Variants in PDZRN3 observed in about 807,000 individuals in gnomAD.
The protein encoded by PDZRN3 is PDZ domain containing ring finger 3.
In PDZRN3, 38 loss-of-function variants were observed where a neutral mutation model predicts 85.7. That is an observed-to-expected ratio of 0.44 (90% CI 0.34 to 0.58). The LOEUF is 0.58. Among genes scored for constraint, PDZRN3 ranks in the 20% least tolerant of loss-of-function variants. PDZRN3 has a pLI of 0.01. For missense variants in PDZRN3, 1,629 were observed against 1,506.4 expected, an observed-to-expected ratio of 1.08 and a Z score of -1.35; for synonymous variants, 759 against 638.0, an observed-to-expected ratio of 1.19 and a Z score of -2.86.
At chr3:73,582,314 A>C (rs1456030552) in intron 3 of PDZRN3, among the ~76,000 whole-genome samples, 1 of 152,142 alleles carries the variant, frequency 6.6e-6, no homozygotes, top group Non-Finnish European at 1.5e-5. Context: ...AAAACATTTT[A>C]ATCTGGGGGA....
At chr3:73,509,847 A>C (rs959791612) in intron 3 of PDZRN3, among the ~76,000 whole-genome samples, 8 of 152,166 alleles carry the variant, frequency 5.3e-5, no homozygotes, top group Non-Finnish European at 1.0e-4. Flanking sequence ...CTTCTCTGTG[A>C]CTTCCCTGAA....
chr3:73,494,455 T>G (rs1291398137), intron 3 of PDZRN3, among the ~76,000 whole-genome samples: 1 of 152,224 alleles, frequency 6.6e-6, no homozygotes, highest in Non-Finnish European at 1.5e-5. Context: ...TGAAAAGTTG[T>G]GTGAATAAAA....
At chr3:73,541,022 A>G (rs945881661) in intron 3 of PDZRN3, among the ~76,000 whole-genome samples, 1 of 152,206 alleles carries the variant, frequency 6.6e-6, no homozygotes, top group African/African-American at 2.4e-5. Flanking sequence ...GTATGCTAAA[A>G]CTTCTTAAGA....
chr3:73,486,633 A>G (rs1177875685), intron 3 of PDZRN3, among the ~76,000 whole-genome samples: 1 of 152,206 alleles, frequency 6.6e-6, no homozygotes, highest in South Asian at 2.1e-4. Flanking sequence ...TAATAAGTAT[A>G]TTTTACCATA....
rs115229255 is a variant in PDZRN3, at chr3:73,602,098, G to A, written c.918+256C>T. 7.5e-3 allele frequency among the ~76,000 whole-genome samples: 1,137 copies of A among 152,204 alleles called. 13 individuals are homozygous for A. The highest frequency in any genetic ancestry group is 0.026 in the African/African-American group (1,082 of 41,524). ...GCGCGAAACTGTAACTGATGCATAC[G>A]AAACAGATTGAGGTCCACATGAAAA... On this transcript the variant is annotated intron_variant, in intron 3 of 9. Transcript: ENST00000263666.
At chr3:73,509,015 A>C (rs191861447) in intron 3 of PDZRN3, among the ~76,000 whole-genome samples, 1 of 152,294 alleles carries the variant, frequency 6.6e-6, no homozygotes, top group African/African-American at 2.4e-5. Context: ...CTCAGCATTT[A>C]TCTGTAAGCC....
intron 3 of PDZRN3, among the ~76,000 whole-genome samples, chr3:73,445,183 A>G (rs1239518982): frequency 6.6e-6 from 1 of 151,606 alleles, no homozygotes; most frequent in East Asian, 1.9e-4. Context: ...AACCACAGCC[A>G]GAAGTGGATC....
At chr3:73,457,641 G>A (rs1170399179) in intron 3 of PDZRN3, among the ~76,000 whole-genome samples, 1 of 152,116 alleles carries the variant, frequency 6.6e-6, no homozygotes, top group African/African-American at 2.4e-5. Flanking sequence ...AGATGTTACT[G>A]TAGTCTGAAT....
intron 3 of PDZRN3, among the ~76,000 whole-genome samples, chr3:73,530,506 A>G (rs1053604100): frequency 6.6e-6 from 1 of 152,220 alleles, no homozygotes; most frequent in Non-Finnish European, 1.5e-5. Context: ...AATCAAAGTA[A>G]CCATTAAAGT....
intron 1 of PDZRN3, among the ~76,000 whole-genome samples, chr3:73,618,181 C>T (rs191599102): frequency 1.3e-5 from 2 of 152,324 alleles, no homozygotes; most frequent in African/African-American, 4.8e-5. Context: ...TTCTGAGCTT[C>T]TGTTTTTTCA....
chr3:73,548,502 CG>C (rs1178898337), intron 3 of PDZRN3, among the ~76,000 whole-genome samples: 8 of 152,206 alleles, frequency 5.3e-5, no homozygotes, highest in African/African-American at 1.9e-4. Flanking sequence ...CCTGGAGCTT[CG>C]ACTGTCTTGC....
chr3:73,384,455 CGCACGATGCTCAGGCACTCCA>C lies in PDZRN3; in HGVS notation c.2090_2110del (p.Leu697_Val703del). 1.1e-5 allele frequency: 17 copies of C among 1,612,594 alleles called. No homozygotes were observed. The highest frequency in any genetic ancestry group is 1.4e-5 in the Non-Finnish European group (17 of 1,180,030). On this transcript the variant is annotated inframe_deletion, in exon 10 of 10. Coordinates refer to ENST00000263666, the MANE Select transcript of PDZRN3 (RefSeq NM_015009.3). ...CTTGAGCTGCTGCATCTTGTGGGCGCGCACGATGCTCAGGCACTCCAGCTCGATGCTGCGCAGCTCTTCGTT... is the reference window on the plus strand; with the variant it reads ...CTTGAGCTGCTGCATCTTGTGGGCGCGCTCGATGCTGCGCAGCTCTTCGTT...
chr3:73,427,470 T>C (rs1020581923), intron 3 of PDZRN3, among the ~76,000 whole-genome samples: 9 of 149,468 alleles, frequency 6.0e-5, no homozygotes, highest in African/African-American at 2.2e-4. Context: ...CCATGACCTC[T>C]TCCTGCATTA....
chr3:73,464,701 T>C (rs1160011241), intron 3 of PDZRN3, among the ~76,000 whole-genome samples: 1 of 152,200 alleles, frequency 6.6e-6, no homozygotes, highest in Non-Finnish European at 1.5e-5. Context: ...GGTGTCTCTT[T>C]TTAAAAAAAT....
At chr3:73,550,335 G>A (rs918946356) in intron 3 of PDZRN3, among the ~76,000 whole-genome samples, 1 of 152,154 alleles carries the variant, frequency 6.6e-6, no homozygotes, top group African/African-American at 2.4e-5. Flanking sequence ...TCTGCTTCAC[G>A]TTCAAGTTTG....
chr3:73,570,129 T>C (rs1702024635), intron 3 of PDZRN3, among the ~76,000 whole-genome samples: 1 of 152,214 alleles, frequency 6.6e-6, no homozygotes, highest in African/African-American at 2.4e-5. Flanking sequence ...CTACTAGGAT[T>C]AAGCAGCATG....
At chr3:73,433,751 C>T in intron 3 of PDZRN3, 1 of 1,535,352 alleles carries the variant, frequency 6.5e-7, no homozygotes, top group Non-Finnish European at 8.7e-7. Context: ...TCGCCAGCAC[C>T]CGGGAAAAGC....
intron 3 of PDZRN3, among the ~76,000 whole-genome samples, chr3:73,479,786 G>A (rs745362282): frequency 1.6e-4 from 25 of 152,138 alleles, no homozygotes; most frequent in Non-Finnish European, 3.2e-4. Flanking sequence ...TCACAAATGT[G>A]GTGGGGACTC....
intron 3 of PDZRN3, among the ~76,000 whole-genome samples, chr3:73,581,097 C>T (rs189719239): frequency 1.3e-4 from 20 of 152,316 alleles, no homozygotes; most frequent in Non-Finnish European, 2.5e-4. Flanking sequence ...AGATGTACTC[C>T]TACATAAGAA....
Sources: gnomAD v4.1 joint callset for allele counts (sites outside exome capture counted in the v4.1 genomes callset) on GRCh38, gnomAD v4.1.1 for gene constraint, MANE v1.5 for transcripts, NCBI Gene and HGNC (gene_info 2026-07-23, HGNC 2026-07-21) for gene names.